GLIS3: variants seen among roughly 807,000 people sequenced by gnomAD.
GLIS3 encodes GLIS family zinc finger 3, also known as zinc finger protein GLIS3.
Under a neutral mutation model 78.6 loss-of-function variants are expected in GLIS3, and 53 were observed. The ratio of observed to expected loss-of-function variants is 0.67; its 90% CI spans 0.54 to 0.85. The LOEUF is 0.85. Among genes scored for constraint, GLIS3 ranks in the 40% least tolerant of loss-of-function variants. GLIS3 has a pLI of 0.00. For missense variants in GLIS3, 1,703 were observed against 1,231.1 expected (o/e 1.38, Z -5.74); for synonymous variants, 684 against 509.9 (o/e 1.34, Z -4.60).
intron 2 of GLIS3, among the ~76,000 whole-genome samples, chr9:4,232,576 C>T (rs1007143600): frequency 6.6e-6 from 1 of 152,016 alleles, no homozygotes; most frequent in African/African-American, 2.4e-5. Context: ...CTCTGACTTA[C>T]TGGTTTGTTT....
At chr9:3,860,502 C>G (rs1820140968) in intron 8 of GLIS3, among the ~76,000 whole-genome samples, 1 of 152,020 alleles carries the variant, frequency 6.6e-6, no homozygotes, top group African/African-American at 2.4e-5. Context: ...CAACAGCATT[C>G]AAACTTAGAT....
chr9:4,201,632 C>G (rs1354512601), intron 2 of GLIS3, among the ~76,000 whole-genome samples: 2 of 151,718 alleles, frequency 1.3e-5, no homozygotes. Context: ...AACCAGGGAG[C>G]TAAAAAATAT....
chr9:3,902,700 T>C (rs901417585), intron 6 of GLIS3, among the ~76,000 whole-genome samples: 3 of 152,194 alleles, frequency 2.0e-5, no homozygotes, highest in Admixed American at 1.3e-4. Flanking sequence ...ATGCTTCTAC[T>C]GGTCTTGGGA....
chr9:3,888,067 T>TC (rs1363497022), intron 7 of GLIS3, among the ~76,000 whole-genome samples: 2 of 152,142 alleles, frequency 1.3e-5, no homozygotes, highest in Non-Finnish European at 2.9e-5. Context: ...CTGTGGGAAA[T>TC]CTGTCATTTC....
chr9:4,157,756 T>C (rs1044477616), intron 2 of GLIS3, among the ~76,000 whole-genome samples: 6 of 152,178 alleles, frequency 3.9e-5, no homozygotes, highest in Non-Finnish European at 7.3e-5. Context: ...AGGAGCATGT[T>C]ATCCAAGATG....
At chr9:4,386,339 ATTT>A in the GLIS3 span, 1 of 151,850 alleles carries the variant, frequency 6.6e-6, no homozygotes, top group African/African-American at 2.4e-5. Context: ...AGCCAGGAAT[ATTT>A]TTATTTTTGT....
At chr9:4,370,201 A>AC in the GLIS3 span, among the ~76,000 whole-genome samples, 1 of 151,322 alleles carries the variant, frequency 6.6e-6, no homozygotes, top group Admixed American at 6.6e-5. Context: ...AAAAAAAAAA[A>AC]AACAACCAAA....
chr9:4,197,038 G>A (rs4741912), intron 2 of GLIS3, among the ~76,000 whole-genome samples: 1 of 152,084 alleles, frequency 6.6e-6, no homozygotes, highest in Middle Eastern at 3.4e-3. Flanking sequence ...GTGCAGTGGG[G>A]CTCTGCTCCA....
At chr9:4,427,052 T>C in the GLIS3 span, among the ~76,000 whole-genome samples, 1 of 152,182 alleles carries the variant, frequency 6.6e-6, no homozygotes, top group Non-Finnish European at 1.5e-5. Flanking sequence ...ACATAGTAAA[T>C]AATCAGTGTA....
intron 4 of GLIS3, among the ~76,000 whole-genome samples, chr9:3,991,683 A>ATTTTT (rs59495657): frequency 1.0e-4 from 9 of 87,890 alleles, no homozygotes; most frequent in African/African-American, 2.1e-4. Flanking sequence ...AAGTAGGCTG[A>ATTTTT]TTTTTTTTTT....
the GLIS3 span, among the ~76,000 whole-genome samples, chr9:4,483,530 C>T: frequency 2.6e-5 from 4 of 151,866 alleles, no homozygotes; most frequent in South Asian, 4.2e-4. Flanking sequence ...CCAGCCTGAC[C>T]AACATGGTGA....
At chr9:4,353,623 A>G in the GLIS3 span, among the ~76,000 whole-genome samples, 1 of 152,280 alleles carries the variant, frequency 6.6e-6, no homozygotes, top group East Asian at 1.9e-4. Context: ...AAAGTCAAGA[A>G]GTTACCCAAA....
At chr9:4,133,949 T>C (rs1204980702) in intron 2 of GLIS3, among the ~76,000 whole-genome samples, 5 of 152,124 alleles carry the variant, frequency 3.3e-5, no homozygotes, top group African/African-American at 1.2e-4. Flanking sequence ...CCATTTTCTC[T>C]TTCTCTCAGC....
chr9:4,366,112 G>C, the GLIS3 span, among the ~76,000 whole-genome samples: 6 of 152,160 alleles, frequency 3.9e-5, no homozygotes, highest in Non-Finnish European at 5.9e-5. Context: ...GGAGAAATGG[G>C]CCCAGTGAGA....
At chr9:4,137,503 T>G (rs774170956) in intron 2 of GLIS3, among the ~76,000 whole-genome samples, 1 of 152,210 alleles carries the variant, frequency 6.6e-6, no homozygotes, top group Non-Finnish European at 1.5e-5. Flanking sequence ...AAATGTATCA[T>G]ATTCCTTTCT....
chr9:4,064,017 C>T (rs1826876862), intron 4 of GLIS3, among the ~76,000 whole-genome samples: 1 of 151,514 alleles, frequency 6.6e-6, no homozygotes. Context: ...CTTTTTTTTT[C>T]AACTCTGAAA....
chr9:4,485,922 T>A, the GLIS3 span, among the ~76,000 whole-genome samples: 1 of 151,920 alleles, frequency 6.6e-6, no homozygotes, highest in African/African-American at 2.4e-5. Flanking sequence ...GGCGTTTCAC[T>A]ATGTTGGCCA....
chr9:4,268,952 C>A (rs952768249), intron 2 of GLIS3, among the ~76,000 whole-genome samples: 2 of 152,192 alleles, frequency 1.3e-5, no homozygotes, highest in Admixed American at 6.5e-5. Flanking sequence ...TCTACCTGTT[C>A]AATACTTCAA....
intron 9 of GLIS3, among the ~76,000 whole-genome samples, chr9:3,852,158 A>G (rs1819475223): frequency 6.6e-6 from 1 of 152,156 alleles, no homozygotes; most frequent in East Asian, 1.9e-4. Flanking sequence ...AGAAAAAAAA[A>G]AAAAGAATAT....
Sources: gnomAD v4.1 joint callset for allele counts (sites outside exome capture counted in the v4.1 genomes callset) on GRCh38, gnomAD v4.1.1 for gene constraint, MANE v1.5 for transcripts, NCBI Gene and HGNC (gene_info 2026-07-23, HGNC 2026-07-21) for gene names.